The following THSD7B variants were observed in gnomAD, a reference collection of about 807,000 sequenced individuals.
THSD7B encodes thrombospondin type 1 domain containing 7B, also known as thrombospondin type-1 domain-containing protein 7B.
THSD7B carries 138 observed loss-of-function variants against 213.6 expected under a neutral mutation model. The ratio of observed to expected loss-of-function variants is 0.65; its 90% CI spans 0.56 to 0.74. The LOEUF is 0.74. THSD7B is among the 30% of genes least tolerant of loss of function. The pLI is 0.00. For missense variants in THSD7B, 1,931 were observed against 1,991.5 expected (o/e 0.97, Z 0.58); for synonymous variants, 742 against 687.0 (o/e 1.08, Z -1.25).
At chr2:136,942,860 T>A (rs893727797) in intron 2 of THSD7B, among the ~76,000 whole-genome samples, 3 of 152,234 alleles carry the variant, frequency 2.0e-5, no homozygotes, top group African/African-American at 7.2e-5. Context: ...CCTGCCTGAT[T>A]GCCCTGGCCA....
intron 15 of THSD7B, among the ~76,000 whole-genome samples, chr2:137,543,243 A>T (rs532327998): frequency 6.6e-6 from 1 of 151,950 alleles, no homozygotes; most frequent in South Asian, 2.1e-4. Flanking sequence ...CTAACACAAG[A>T]TCCTTAACCA....
intron 12 of THSD7B, among the ~76,000 whole-genome samples, chr2:137,316,885 T>C (rs1684124203): frequency 6.6e-6 from 1 of 152,160 alleles, no homozygotes; most frequent in South Asian, 2.1e-4. Context: ...TCATTGACTG[T>C]TGTTAACATT....
rs1429801676 is a variant in THSD7B, at chr2:136,767,540, ACT to A, written c.-36+1856_-36+1857del. ...ACCTGCTGAGAGTTGAGGGTTAGAA[ACT>A]CTTTTTCATGCAAATTTAAGTGAAA... On this transcript the variant is annotated intron_variant, in intron 1 of 27. Coordinates refer to ENST00000409968, the MANE Select transcript of THSD7B (RefSeq NM_001316349.2). 4.6e-5 allele frequency among the ~76,000 whole-genome samples: 7 copies of A among 150,884 alleles called. No individual in the cohort carries two copies. The Admixed American group carries it at 4.6e-4, about 10-fold the overall frequency.
intron 9 of THSD7B, among the ~76,000 whole-genome samples, chr2:137,241,700 C>T (rs777115701): frequency 1.3e-5 from 2 of 151,882 alleles, no homozygotes; most frequent in South Asian, 4.2e-4. Flanking sequence ...ATTATGAGGT[C>T]GAGAGATCGA....
At chr2:136,981,215 T>C (rs1011322125) in intron 2 of THSD7B, among the ~76,000 whole-genome samples, 2 of 152,212 alleles carry the variant, frequency 1.3e-5, no homozygotes, top group African/African-American at 4.8e-5. Context: ...GATTGTATAG[T>C]TGATAGAGGA....
At chr2:137,107,332 A>G (rs1688273029) in intron 4 of THSD7B, among the ~76,000 whole-genome samples, 1 of 152,222 alleles carries the variant, frequency 6.6e-6, no homozygotes, top group Non-Finnish European at 1.5e-5. Context: ...TGGGAGTTGA[A>G]CATTGAGAAC....
intron 12 of THSD7B, among the ~76,000 whole-genome samples, chr2:137,281,838 A>G (rs536960044): frequency 6.6e-6 from 1 of 152,210 alleles, no homozygotes; most frequent in East Asian, 1.9e-4. Context: ...AGTCATTGCT[A>G]TTGTGAATAG....
intron 1 of THSD7B, among the ~76,000 whole-genome samples, chr2:136,855,516 C>A (rs916444695): frequency 1.3e-5 from 2 of 152,158 alleles, no homozygotes; most frequent in Non-Finnish European, 2.9e-5. Flanking sequence ...GCCTCCACCT[C>A]CCAGGTTCAA....
intron 12 of THSD7B, among the ~76,000 whole-genome samples, chr2:137,351,084 T>C (rs1216019277): frequency 6.6e-6 from 1 of 151,846 alleles, no homozygotes; most frequent in Non-Finnish European, 1.5e-5. Context: ...TCACCATTGA[T>C]AATTGAATCC....
At position 137,204,616 on chromosome 2, in the gene THSD7B, T is replaced by A. The variant is rs189601521; in HGVS notation, c.1724-26428T>A. On this transcript the variant is annotated intron_variant, in intron 7 of 27. Transcript: ENST00000409968. ...GACACCATTTCAGAAATGAGACATT[T>A]TCATTTACAAATACATATCTATGTA... Among the ~76,000 whole-genome samples the A allele has an allele frequency of 1.8e-3, 277 of 152,246 alleles. 2 individuals are homozygous for A. The highest frequency in any genetic ancestry group is 6.1e-3 in the African/African-American group (253 of 41,566).
intron 7 of THSD7B, among the ~76,000 whole-genome samples, chr2:137,187,198 G>A (rs189405850): frequency 1.3e-4 from 20 of 152,230 alleles, no homozygotes; most frequent in Non-Finnish European, 2.4e-4. Flanking sequence ...GATAGCTATT[G>A]TCTTAGGAAC....
intron 1 of THSD7B, among the ~76,000 whole-genome samples, chr2:136,881,508 T>C (rs1379677811): frequency 6.6e-6 from 1 of 152,158 alleles, no homozygotes; most frequent in Non-Finnish European, 1.5e-5. Context: ...TTCATGGCAA[T>C]AGAAAATTTG....
intron 2 of THSD7B, among the ~76,000 whole-genome samples, chr2:136,937,604 C>T (rs1158265556): frequency 6.6e-6 from 1 of 152,178 alleles, no homozygotes; most frequent in East Asian, 1.9e-4. Flanking sequence ...TTTAATGGTG[C>T]CTTGTATAGA....
At chr2:136,832,201 G>GTGTA (rs66731773) in intron 1 of THSD7B, among the ~76,000 whole-genome samples, 41,982 of 146,212 alleles carry the variant, frequency 0.29, 6,796 homozygotes, top group African/African-American at 0.33. Context: ...GTGTGTGTGT[G>GTGTA]TATACACACA....
intron 3 of THSD7B, among the ~76,000 whole-genome samples, chr2:137,080,291 C>T (rs1415686202): frequency 6.6e-6 from 1 of 151,540 alleles, no homozygotes. Flanking sequence ...ACCTCTGCCT[C>T]CTGGATTCAA....
intron 20 of THSD7B, among the ~76,000 whole-genome samples, chr2:137,640,475 T>G (rs1290081858): frequency 6.6e-6 from 1 of 152,184 alleles, no homozygotes; most frequent in East Asian, 1.9e-4. Context: ...CTTAAATAGG[T>G]AGCTATCTTA....
chr2:137,458,752 C>A (rs1687820574), intron 15 of THSD7B, among the ~76,000 whole-genome samples: 1 of 152,130 alleles, frequency 6.6e-6, no homozygotes. Flanking sequence ...CTTTGGGCTT[C>A]ATCTTCAACA....
intron 14 of THSD7B, among the ~76,000 whole-genome samples, chr2:137,412,125 G>A (rs1217676705): frequency 6.6e-6 from 1 of 152,078 alleles, no homozygotes; most frequent in East Asian, 1.9e-4. Context: ...TTAGCCGCCT[G>A]TTTACTGGTG....
At chr2:137,533,019 T>C (rs74742572) in intron 15 of THSD7B, among the ~76,000 whole-genome samples, 25,113 of 150,866 alleles carry the variant, frequency 0.17, 2,221 homozygotes, top group South Asian at 0.28. Context: ...ATATTCCTTA[T>C]GTGATATGTA....
Sources: gnomAD v4.1 joint callset for allele counts (sites outside exome capture counted in the v4.1 genomes callset) on GRCh38, gnomAD v4.1.1 for gene constraint, MANE v1.5 for transcripts, NCBI Gene and HGNC (gene_info 2026-07-23, HGNC 2026-07-21) for gene names.